Variants in XPO4 observed in about 807,000 individuals in gnomAD.
XPO4 encodes exportin-4.
XPO4 carries 39 observed loss-of-function variants against 143.0 expected under a neutral mutation model. The ratio of observed to expected loss-of-function variants is 0.27; its 90% CI spans 0.21 to 0.36. The LOEUF (loss-of-function observed/expected upper bound fraction) is 0.36, where lower values mean the gene tolerates loss of function less well. Ranked by LOEUF, XPO4 falls within the 10% of genes least tolerant of loss-of-function variation. XPO4 has a pLI of 1.00. For synonymous variants in XPO4, 439 were observed against 474.0 expected, an observed-to-expected ratio of 0.93 and a Z score of 0.96; for missense variants, 907 against 1,348.0, an observed-to-expected ratio of 0.67 and a Z score of 5.12.
chr13:20,889,349 G>A (rs1054011576), intron 1 of XPO4, among the ~76,000 whole-genome samples: 1 of 152,158 alleles, frequency 6.6e-6, no homozygotes, highest in Non-Finnish European at 1.5e-5. Flanking sequence ...AATGGATCAC[G>A]TAAGTGTCAT....
intron 9 of XPO4, among the ~76,000 whole-genome samples, chr13:20,816,750 G>GA (rs2059655534): frequency 6.6e-6 from 1 of 152,232 alleles, no homozygotes; most frequent in African/African-American, 2.4e-5. Flanking sequence ...TACAAGTCAT[G>GA]AAATATTACA....
chr13:20,835,019 T>G (rs2059899716), intron 6 of XPO4, among the ~76,000 whole-genome samples: 1 of 152,188 alleles, frequency 6.6e-6, no homozygotes, highest in Non-Finnish European at 1.5e-5. Context: ...TGTTTCTGTT[T>G]TAAGAGACAA....
chr13:20,829,221 G>A (rs1040790546), intron 6 of XPO4, among the ~76,000 whole-genome samples: 2 of 152,072 alleles, frequency 1.3e-5, no homozygotes, highest in Non-Finnish European at 2.9e-5. Context: ...GCCTCCCAAA[G>A]TGCAAGGATT....
intron 1 of XPO4, among the ~76,000 whole-genome samples, chr13:20,873,869 C>A (rs2060326910): frequency 6.6e-6 from 1 of 152,138 alleles, no homozygotes; most frequent in Admixed American, 6.6e-5. Flanking sequence ...TTTTTTACTA[C>A]TATTAACAAC....
At chr13:20,874,293 A>C (rs1445066169) in intron 1 of XPO4, among the ~76,000 whole-genome samples, 1 of 152,258 alleles carries the variant, frequency 6.6e-6, no homozygotes, top group Non-Finnish European at 1.5e-5. Flanking sequence ...TAAGCTACAA[A>C]ACTAGAAAAG....
chr13:20,838,143 C>T (rs1045422612), intron 6 of XPO4, among the ~76,000 whole-genome samples: 19 of 152,146 alleles, frequency 1.2e-4, no homozygotes, highest in Non-Finnish European at 2.9e-5. Context: ...CACTGTAATA[C>T]AAGCTATTAA....
At chr13:20,849,979 G>A (rs1489380533) in intron 4 of XPO4, 5 of 540,542 alleles carry the variant, frequency 9.2e-6, no homozygotes, top group South Asian at 1.6e-4. Context: ...AGTGGCATGC[G>A]CCTGTAGTCC....
intron 1 of XPO4, among the ~76,000 whole-genome samples, chr13:20,873,385 AAG>A (rs1452414324): frequency 6.6e-5 from 10 of 152,194 alleles, no homozygotes; most frequent in Admixed American, 6.5e-4. Context: ...TTTCTATTCA[AAG>A]AGTATTTTTC....
At chr13:20,897,782 T>G (rs1401602160) in intron 1 of XPO4, among the ~76,000 whole-genome samples, 1 of 152,146 alleles carries the variant, frequency 6.6e-6, no homozygotes, top group African/African-American at 2.4e-5. Context: ...TGAGACAGAG[T>G]CCCGCTCTAC....
chr13:20,853,436 G>A (rs2060111107), intron 4 of XPO4, among the ~76,000 whole-genome samples: 1 of 151,706 alleles, frequency 6.6e-6, no homozygotes, highest in Admixed American at 6.6e-5. Flanking sequence ...GATTGGCTGA[G>A]CCCAGGAGAC....
Position 20,779,942 on chromosome 13 carries a change from T to A in XPO4, c.*3780A>T, listed in dbSNP as rs1293944212. On this transcript the variant is annotated 3_prime_UTR_variant, in exon 23 of 23. Transcript: ENST00000255305. The stretch of plus-strand genomic sequence containing the variant: ...ATTTTAATTTTAGAAAACCAATTTT[T>A]AAAAATTCTTAAATGCAGTGTTTTC... The A allele has an allele frequency of 6.6e-6, 1 of 152,372 alleles. No homozygotes were observed. Among genetic ancestry groups the A allele is most frequent in the Non-Finnish European group, 1.5e-5 (1 of 68,034 alleles). The allele number at this position is 152,372 out of a possible 1,614,324, so 9.4% of individuals were successfully genotyped here. A position where few individuals can be genotyped will look rare whatever the true frequency, so the allele number is the denominator to read the frequency against.
intron 4 of XPO4, chr13:20,850,159 CT>C: frequency 1.0e-6 from 1 of 985,108 alleles, no homozygotes; most frequent in Non-Finnish European, 1.2e-6. Flanking sequence ...ACATTTTCTT[CT>C]GCTTTTCCAT....
intron 1 of XPO4, among the ~76,000 whole-genome samples, chr13:20,889,142 C>A (rs1353649831): frequency 1.3e-5 from 2 of 149,952 alleles, no homozygotes; most frequent in African/African-American, 2.4e-5. Flanking sequence ...TTCTTCAATG[C>A]GGTAGCCACT....
At chr13:20,879,615 A>G (rs2060386490) in intron 1 of XPO4, among the ~76,000 whole-genome samples, 1 of 152,240 alleles carries the variant, frequency 6.6e-6, no homozygotes, top group Non-Finnish European at 1.5e-5. Flanking sequence ...ACAAGTTTAC[A>G]GAACAATAAA....
intron 3 of XPO4, chr13:20,856,164 CTAAGAT>C: frequency 4.0e-6 from 1 of 252,714 alleles, no homozygotes; most frequent in Non-Finnish European, 6.2e-6. Context: ...AAAAAAATCA[CTAAGAT>C]TAAGATTCCA....
chr13:20,824,741 G>A (rs2059763154), intron 7 of XPO4, among the ~76,000 whole-genome samples: 1 of 152,156 alleles, frequency 6.6e-6, no homozygotes, highest in Non-Finnish European at 1.5e-5. Context: ...AGAGGGATAA[G>A]GGAAAGCAAA....
At chr13:20,858,159 G>A (rs1196828374) in intron 3 of XPO4, among the ~76,000 whole-genome samples, 1 of 150,922 alleles carries the variant, frequency 6.6e-6, no homozygotes, top group Non-Finnish European at 1.5e-5. Flanking sequence ...GGCTCACCTA[G>A]ATTAAAAAAA....
At chr13:20,823,303 C>T (rs1322050693) in intron 7 of XPO4, among the ~76,000 whole-genome samples, 1 of 152,174 alleles carries the variant, frequency 6.6e-6, no homozygotes, top group East Asian at 1.9e-4. Flanking sequence ...CAGGTCAGAA[C>T]ATTTAAGTAC....
chr13:20,850,781 AC>A, intron 4 of XPO4: 2 of 985,052 alleles, frequency 2.0e-6, no homozygotes, highest in South Asian at 9.4e-5. Flanking sequence ...AACAAAACAA[AC>A]AAATGAAACC....
Sources: gnomAD v4.1 joint callset for allele counts (sites outside exome capture counted in the v4.1 genomes callset) on GRCh38, gnomAD v4.1.1 for gene constraint, MANE v1.5 for transcripts, NCBI Gene and HGNC (gene_info 2026-07-23, HGNC 2026-07-21) for gene names.